SVOPL: variants seen among roughly 807,000 people sequenced by gnomAD.
SVOPL encodes the protein SVOP like, also known as putative transporter SVOPL.
Under a neutral mutation model 61.0 loss-of-function variants are expected in SVOPL, and 60 were observed. The ratio of observed to expected loss-of-function variants is 0.98; its 90% CI spans 0.80 to 1.22. The LOEUF (loss-of-function observed/expected upper bound fraction) is 1.22, where lower values mean the gene tolerates loss of function less well. Ranked by LOEUF, SVOPL falls within the 50% of genes most tolerant of loss-of-function variation. The pLI is 0.00. For synonymous variants in SVOPL, 279 were observed against 250.0 expected (o/e 1.12, Z -1.09); for missense variants, 662 against 643.9 (o/e 1.03, Z -0.30).
At chr7:138,630,014 A>C (rs1311119418) in intron 10 of SVOPL, 35 bp downstream of exon 10, 2 of 1,580,084 alleles carry the variant, frequency 1.3e-6, no homozygotes, top group Non-Finnish European at 8.7e-7. Flanking sequence ...CAATGCCTCT[A>C]TTTAAAACTA....
chr7:138,676,134 T>C (rs113903327), intron 3 of SVOPL, among the ~76,000 whole-genome samples: 2,164 of 152,296 alleles, frequency 0.014, 57 homozygotes, highest in African/African-American at 0.05. Flanking sequence ...CAGTGCCTGG[T>C]CTGGAGTTCT....
intron 1 of SVOPL, among the ~76,000 whole-genome samples, chr7:138,698,247 C>T (rs764327313): frequency 6.6e-5 from 10 of 152,172 alleles, no homozygotes; most frequent in Non-Finnish European, 1.3e-4. Context: ...TGCATTTCCT[C>T]ATCTGGGAAT....
chr7:138,679,719 C>T (rs1315588239), intron 1 of SVOPL, among the ~76,000 whole-genome samples: 4 of 152,032 alleles, frequency 2.6e-5, no homozygotes, highest in South Asian at 2.1e-4. Flanking sequence ...AGTTAGTTCA[C>T]GGAAAGCACT....
rs151234897 is a variant in SVOPL at position 138,614,716 on chromosome 7, G to A, written c.1353+6330C>T. Reference sequence around the variant, plus strand: ...CGGCTGGCATTTGAACTTCAAAGGGGTGATAAGGTTGAAGGGACGAGGCTG... The same window carrying A: ...CGGCTGGCATTTGAACTTCAAAGGGATGATAAGGTTGAAGGGACGAGGCTG... On this transcript the variant is annotated intron_variant, in intron 14 of 15. Coordinates refer to ENST00000674285, the MANE Select transcript of SVOPL (RefSeq NM_001139456.2). 4.8e-3 allele frequency among the ~76,000 whole-genome samples: 728 copies of A among 152,252 alleles called. 10 individuals carry two copies. Among genetic ancestry groups the A allele is most frequent in the African/African-American group, 0.017 (701 of 41,554 alleles).
At chr7:138,644,694 A>G (rs1801004400) in intron 9 of SVOPL, 23 bp downstream of exon 9, 1 of 1,612,316 alleles carries the variant, frequency 6.2e-7, no homozygotes, top group Non-Finnish European at 8.5e-7. Flanking sequence ...TGATAGGAGA[A>G]GACCTCGGGG....
intron 14 of SVOPL, among the ~76,000 whole-genome samples, chr7:138,602,798 G>C (rs1798587175): frequency 6.6e-6 from 1 of 151,876 alleles, no homozygotes; most frequent in South Asian, 2.1e-4. Context: ...GGTCTGTCCT[G>C]CTCTCCCAGG....
At chr7:138,624,724 G>A (rs1799817739) in intron 13 of SVOPL, among the ~76,000 whole-genome samples, 1 of 148,796 alleles carries the variant, frequency 6.7e-6, no homozygotes, top group Non-Finnish European at 1.5e-5. Flanking sequence ...TAGAGACATG[G>A]TCTTACTTTG....
chr7:138,621,826 CTATGTATCTATCTATCTATG>C (rs1799582973), intron 13 of SVOPL, among the ~76,000 whole-genome samples: 2 of 10,068 alleles, frequency 2.0e-4, no homozygotes, highest in Non-Finnish European at 3.3e-4. Context: ...ATCTATGTAT[CTATGTATCTATCTATCTATG>C]TATCTATCTA....
At position 138,618,711 on chromosome 7, in the gene SVOPL, A is replaced by C. The variant is rs201843962; in HGVS notation, c.1353+2335T>G. On this transcript the variant is annotated intron_variant, in intron 14 of 15. Transcript: ENST00000674285. ...ATGAGAGCACGCGTGCACACGCGCG[A>C]GAGAGAGAGAGAGGAAGGAAGGAAG... 8.1e-3 allele frequency among the ~76,000 whole-genome samples: 833 copies of C among 102,408 alleles called. 7 individuals carry two copies. The highest frequency in any genetic ancestry group is 0.031 in the African/African-American group (781 of 24,996). The allele number at this position is 102,408 out of a possible 152,430, so 67.2% of individuals were successfully genotyped here. A position where few individuals can be genotyped will look rare whatever the true frequency, so the allele number is the denominator to read the frequency against.
intron 14 of SVOPL, among the ~76,000 whole-genome samples, chr7:138,601,326 G>A (rs1427147043): frequency 6.6e-6 from 1 of 151,472 alleles, no homozygotes; most frequent in Non-Finnish European, 1.5e-5. Flanking sequence ...AATGCTCATT[G>A]CAGCATTATT....
intron 9 of SVOPL, 115 bp from the exon 10 acceptor site, chr7:138,630,237 A>C: frequency 1.2e-6 from 1 of 801,666 alleles, no homozygotes; most frequent in South Asian, 1.5e-5. Flanking sequence ...GTGGCCTGCG[A>C]TAACCACTCA....
intron 9 of SVOPL, among the ~76,000 whole-genome samples, chr7:138,631,571 C>G (rs1327019490): frequency 4.6e-5 from 7 of 151,956 alleles, no homozygotes; most frequent in Non-Finnish European, 4.4e-5. Context: ...TCTCCCCTCC[C>G]CAAAGCTTTT....
rs532744081 is a variant in SVOPL at position 138,626,565 on chromosome 7, G to A, written c.1182-515C>T. On this transcript the variant is annotated intron_variant, in intron 12 of 15. Transcript: ENST00000674285. ...CCACAACCACACTCAGCTAATTTTTGTATTTGTTGTAGAGATGGGGTTTTG... is the reference window on the plus strand; with the variant it reads ...CCACAACCACACTCAGCTAATTTTTATATTTGTTGTAGAGATGGGGTTTTG... 3.3e-5 allele frequency among the ~76,000 whole-genome samples: 5 copies of A among 152,168 alleles called. No individual in the cohort carries two copies. In the South Asian group the frequency reaches 8.3e-4, roughly 25 times the overall value.
chr7:138,606,991 G>T (rs868710656), intron 14 of SVOPL, among the ~76,000 whole-genome samples: 1 of 151,022 alleles, frequency 6.6e-6, no homozygotes. Flanking sequence ...ATTCTATGGA[G>T]GACTTGCCCT....
At chr7:138,599,171 A>AAC (rs1798410711) in intron 14 of SVOPL, among the ~76,000 whole-genome samples, 2 of 148,752 alleles carry the variant, frequency 1.3e-5, no homozygotes, top group African/African-American at 5.0e-5. Context: ...AAAAAAAAAG[A>AAC]AATACAGAAA....
chr7:138,655,359 G>A (rs946048648), intron 7 of SVOPL, among the ~76,000 whole-genome samples: 4 of 151,996 alleles, frequency 2.6e-5, no homozygotes, highest in Admixed American at 2.0e-4. Flanking sequence ...TAAAAAATTA[G>A]CTGGGCATGG....
Position 138,616,362 on chromosome 7 carries a change from G to A in SVOPL, c.1353+4684C>T, listed in dbSNP as rs949332406. Among the ~76,000 whole-genome samples the A allele has an allele frequency of 1.0e-4, 15 of 149,958 alleles. 1 individual carries two copies. In the South Asian group the frequency reaches 1.0e-3, roughly 10 times the overall value. ...ATACTTTTTTTTTTTTTGAGATGGA[G>A]TTTTGCTCTTGTTGACCAGGCTGGA... On this transcript the variant is annotated intron_variant, in intron 14 of 15. Coordinates refer to ENST00000674285, the MANE Select transcript of SVOPL (RefSeq NM_001139456.2).
intron 4 of SVOPL, 25 bp from the exon 5 acceptor site, chr7:138,663,170 G>C: frequency 6.2e-7 from 1 of 1,607,954 alleles, no homozygotes; most frequent in South Asian, 1.1e-5. Flanking sequence ...GAGATAAAAC[G>C]GTTCTCTAAG....
chr7:138,630,113 C>A lies in SVOPL; in HGVS notation c.799G>T (p.Gly267Ter), dbSNP rs775462311. Residue 267 changes from glycine to a stop codon, truncating the protein, a stop_gained, in exon 10 of 16, where the codon GGA becomes TGA. Coordinates refer to ENST00000674285, the MANE Select transcript of SVOPL (RefSeq NM_001139456.2). LOFTEE classifies it high-confidence loss of function. ...GCATCCAATAGGTCTGCAAATCTTCCTCTTTTTTCCTGGGGTAATGAAAAG... is the reference window on the plus strand; with the variant it reads ...GCATCCAATAGGTCTGCAAATCTTCATCTTTTTTCCTGGGGTAATGAAAAG... Reference protein sequence around the residue: ...KLVEPVLEKRGRFADLLDAKY... With the variant: ...KLVEPVLEKR The A allele has an allele frequency of 6.2e-7, 1 of 1,613,746 alleles. No homozygotes were observed. The highest frequency in any genetic ancestry group is 8.5e-7 in the Non-Finnish European group (1 of 1,179,670).
Sources: allele counts gnomAD v4.1 joint callset (sites outside exome capture counted in the v4.1 genomes callset), GRCh38; gene constraint gnomAD v4.1.1; transcripts MANE v1.5; gene names NCBI Gene and HGNC (gene_info 2026-07-23, HGNC 2026-07-21).